Variants in CTNND2 observed in about 807,000 individuals in gnomAD.
CTNND2 encodes the protein catenin delta 2.
CTNND2 carries 22 observed loss-of-function variants against 144.4 expected under a neutral mutation model. The observed-to-expected ratio is 0.15, with a 90% CI of 0.11 to 0.22. The LOEUF (loss-of-function observed/expected upper bound fraction) is 0.22, where lower values mean the gene tolerates loss of function less well. Ranked by LOEUF, CTNND2 falls within the 10% of genes least tolerant of loss-of-function variation. The pLI, the probability that CTNND2 is intolerant of heterozygous loss-of-function variation, is 1.00. For synonymous variants in CTNND2, 751 were observed against 695.6 expected, an observed-to-expected ratio of 1.08 and a Z score of -1.25; for missense variants, 1,353 against 1,618.8, an observed-to-expected ratio of 0.84 and a Z score of 2.82.
chr5:11,621,743 C>T (rs893389756), intron 2 of CTNND2, among the ~76,000 whole-genome samples: 3 of 152,162 alleles, frequency 2.0e-5, no homozygotes, highest in Non-Finnish European at 4.4e-5. Context: ...CAACCTTTAG[C>T]ATTAATATCT....
intron 18 of CTNND2, among the ~76,000 whole-genome samples, chr5:10,993,574 T>C (rs1258151976): frequency 6.6e-6 from 1 of 152,216 alleles, no homozygotes; most frequent in Non-Finnish European, 1.5e-5. Flanking sequence ...ACAGAGGCCA[T>C]TGCTTTCAAT....
intron 18 of CTNND2, among the ~76,000 whole-genome samples, chr5:11,015,656 T>G (rs1315429973): frequency 1.3e-5 from 2 of 152,224 alleles, no homozygotes; most frequent in African/African-American, 4.8e-5. Flanking sequence ...AAAAGCTGCT[T>G]CCCTTCAATG....
chr5:11,200,176 C>T (rs1034159871), intron 10 of CTNND2, among the ~76,000 whole-genome samples: 6 of 152,042 alleles, frequency 3.9e-5, no homozygotes, highest in Admixed American at 1.3e-4. Flanking sequence ...TCAGAAGACC[C>T]GCGGAAATAA....
intron 10 of CTNND2, among the ~76,000 whole-genome samples, chr5:11,229,789 G>A (rs1740796796): frequency 6.6e-6 from 1 of 150,724 alleles, no homozygotes; most frequent in Non-Finnish European, 1.5e-5. Flanking sequence ...AACTCTTTTT[G>A]TATAACTGTG....
At chr5:11,722,775 A>T (rs1472931623) in intron 2 of CTNND2, among the ~76,000 whole-genome samples, 1 of 152,222 alleles carries the variant, frequency 6.6e-6, no homozygotes, top group Non-Finnish European at 1.5e-5. Flanking sequence ...ACCTCCTACC[A>T]GGTCCCTCCC....
intron 9 of CTNND2, among the ~76,000 whole-genome samples, chr5:11,334,732 C>T (rs1753563802): frequency 6.6e-6 from 1 of 152,176 alleles, no homozygotes; most frequent in Non-Finnish European, 1.5e-5. Context: ...GATGGAGGCC[C>T]TCACTTTGGG....
chr5:11,183,944 C>G (rs1012214102), intron 11 of CTNND2, among the ~76,000 whole-genome samples: 1 of 152,104 alleles, frequency 6.6e-6, no homozygotes, highest in Non-Finnish European at 1.5e-5. Flanking sequence ...AAACTCTTTT[C>G]TTTCATTACC....
chr5:11,496,817 C>T (rs929535850), intron 3 of CTNND2, among the ~76,000 whole-genome samples: 2 of 152,090 alleles, frequency 1.3e-5, no homozygotes, highest in African/African-American at 4.8e-5. Context: ...TTATAAGGTT[C>T]TTCAACATCA....
chr5:11,833,405 G>A (rs1794011050), intron 1 of CTNND2, among the ~76,000 whole-genome samples: 2 of 152,134 alleles, frequency 1.3e-5, no homozygotes, highest in African/African-American at 4.8e-5. Flanking sequence ...CTATTTATAT[G>A]ACATTCGGAA....
chr5:11,406,626 C>A (rs780234838), intron 5 of CTNND2, among the ~76,000 whole-genome samples: 2 of 151,976 alleles, frequency 1.3e-5, no homozygotes, highest in Non-Finnish European at 2.9e-5. Context: ...ATCTCTCAAA[C>A]GTCTCTTGTA....
At chr5:11,438,708 T>C (rs1303768017) in intron 3 of CTNND2, among the ~76,000 whole-genome samples, 1 of 152,230 alleles carries the variant, frequency 6.6e-6, no homozygotes, top group Non-Finnish European at 1.5e-5. Flanking sequence ...ATCAACAATG[T>C]CCTAATTACT....
intron 2 of CTNND2, among the ~76,000 whole-genome samples, chr5:11,607,679 G>T (rs1780117889): frequency 1.3e-5 from 2 of 152,194 alleles, no homozygotes; most frequent in African/African-American, 4.8e-5. Context: ...ACTTCTGCAA[G>T]ATATTCCTTG....
chr5:11,457,669 T>C (rs537991988), intron 3 of CTNND2, among the ~76,000 whole-genome samples: 38 of 152,190 alleles, frequency 2.5e-4, no homozygotes, highest in Non-Finnish European at 5.4e-4. Flanking sequence ...TGCTGGATTA[T>C]TCTCCAAAGG....
chr5:11,229,645 CGTGTGTGTGT>C (rs34293828), intron 10 of CTNND2, among the ~76,000 whole-genome samples: 1 of 143,392 alleles, frequency 7.0e-6, no homozygotes, highest in Non-Finnish European at 1.5e-5. Context: ...AGCCATATTG[CGTGTGTGTGT>C]GTGTGTGTGT....
At chr5:11,424,943 A>C (rs1250656214) in intron 3 of CTNND2, among the ~76,000 whole-genome samples, 1 of 152,204 alleles carries the variant, frequency 6.6e-6, no homozygotes, top group Non-Finnish European at 1.5e-5. Flanking sequence ...CCCTGGGCTC[A>C]TCTCTGCTTT....
chr5:11,895,756 T>A (rs775565883), intron 1 of CTNND2, among the ~76,000 whole-genome samples: 1 of 151,938 alleles, frequency 6.6e-6, no homozygotes, highest in Non-Finnish European at 1.5e-5. Flanking sequence ...AAATCAATTT[T>A]AAAAAAGGAA....
intron 1 of CTNND2, among the ~76,000 whole-genome samples, chr5:11,809,499 C>A (rs748498625): frequency 3.3e-5 from 5 of 152,280 alleles, no homozygotes; most frequent in Non-Finnish European, 5.9e-5. Context: ...TAGCCATAAA[C>A]CATGAATCTA....
chr5:11,109,973 C>CT (rs991029712), intron 14 of CTNND2, among the ~76,000 whole-genome samples: 2 of 152,150 alleles, frequency 1.3e-5, no homozygotes, highest in African/African-American at 4.8e-5. Flanking sequence ...TTTTATATTG[C>CT]TTTTTTTCAC....
intron 1 of CTNND2, among the ~76,000 whole-genome samples, chr5:11,845,878 T>C (rs1666955391): frequency 6.6e-6 from 1 of 152,176 alleles, no homozygotes; most frequent in South Asian, 2.1e-4. Context: ...TTGTGACTAG[T>C]CTATATTTAG....
Sources: gnomAD v4.1 joint callset for allele counts (sites outside exome capture counted in the v4.1 genomes callset) on GRCh38, gnomAD v4.1.1 for gene constraint, MANE v1.5 for transcripts, NCBI Gene and HGNC (gene_info 2026-07-23, HGNC 2026-07-21) for gene names.